Variants in GALNT2 observed in about 807,000 individuals in gnomAD.
The protein encoded by GALNT2 is UDP-GalNAc:polypeptide N-acetylgalactosaminyltransferase 2.
A neutral mutation model predicts 81.4 loss-of-function variants in GALNT2; 31 were observed. The observed-to-expected ratio is 0.38, with a 90% CI of 0.29 to 0.51. The LOEUF is 0.51. Ranked by LOEUF, GALNT2 falls within the 20% of genes least tolerant of loss-of-function variation. The pLI is 0.87. For missense variants in GALNT2, 629 were observed against 765.7 expected (o/e 0.82, Z 2.11); for synonymous variants, 303 against 287.4 (o/e 1.05, Z -0.55).
At chr1:230,116,553 T>C (rs557889665) in intron 1 of GALNT2, among the ~76,000 whole-genome samples, 3 of 152,296 alleles carry the variant, frequency 2.0e-5, no homozygotes, top group Admixed American at 6.5e-5. Context: ...TAAACAAGAC[T>C]TAAAGGTTGA....
chr1:230,190,466 T>G (rs1382464230), intron 2 of GALNT2, among the ~76,000 whole-genome samples: 1 of 152,234 alleles, frequency 6.6e-6, no homozygotes, highest in Non-Finnish European at 1.5e-5. Context: ...GTCCTGAGTT[T>G]TATCCCACAT....
At chr1:230,228,316 C>A (rs1374071939) in intron 3 of GALNT2, among the ~76,000 whole-genome samples, 1 of 151,974 alleles carries the variant, frequency 6.6e-6, no homozygotes, top group Non-Finnish European at 1.5e-5. Context: ...TCAGGAAAAG[C>A]AAATGGTCAC....
chr1:230,168,835 A>G (rs1240980945), intron 1 of GALNT2, among the ~76,000 whole-genome samples: 4 of 152,228 alleles, frequency 2.6e-5, no homozygotes, highest in Non-Finnish European at 5.9e-5. Context: ...CAGTATTGAT[A>G]TGTTATTAAC....
intron 4 of GALNT2, 54 bp downstream of exon 4, chr1:230,236,166 C>A: frequency 1.3e-6 from 2 of 1,558,720 alleles, no homozygotes; most frequent in Non-Finnish European, 1.8e-6. Flanking sequence ...TAGCTGTGTC[C>A]CAGGCACAGT....
chr1:230,223,082 GTGC>G (rs1408396696), intron 3 of GALNT2, among the ~76,000 whole-genome samples: 1 of 152,054 alleles, frequency 6.6e-6, no homozygotes, highest in Non-Finnish European at 1.5e-5. Flanking sequence ...CAACATTACA[GTGC>G]TAGGAGTTTC....
chr1:230,205,623 T>G (rs1217189177), intron 3 of GALNT2, among the ~76,000 whole-genome samples: 1 of 152,200 alleles, frequency 6.6e-6, no homozygotes, highest in Non-Finnish European at 1.5e-5. Flanking sequence ...TCCAAGGACC[T>G]CCAGGGAGCC....
Position 230,070,414 on chromosome 1 carries a change from TG to T in GALNT2, c.126+3010del. ...CGCAGAAGAGAGGAAGGGATTTCTC[TG>T]GAAATGAAGCTGCCTGTGGGTGAAG... On this transcript the variant is annotated intron_variant, in intron 1 of 15. Transcript: ENST00000366672. The surrounding 1 kb of genome is among the most constrained non-coding windows in gnomAD (Gnocchi z 4.7). Among the ~76,000 whole-genome samples the T allele has an allele frequency of 1.3e-5, 2 of 152,278 alleles. No homozygotes were observed. The highest frequency in any genetic ancestry group is 6.8e-3 in the Middle Eastern group (2 of 292).
chr1:230,250,431 C>G (rs1665508213), intron 9 of GALNT2, 26 bp from the exon 10 acceptor site: 4 of 1,578,146 alleles, frequency 2.5e-6, no homozygotes, highest in African/African-American at 1.3e-5. Flanking sequence ...TCTCCTCCCT[C>G]CCCCCTCTTC....
At chr1:230,078,667 T>C (rs1406188833) in intron 1 of GALNT2, among the ~76,000 whole-genome samples, 6 of 152,192 alleles carry the variant, frequency 3.9e-5, no homozygotes, top group African/African-American at 1.4e-4. Flanking sequence ...TCTTTGGAAA[T>C]TGCTAATCCT....
chr1:230,125,833 A>G (rs1661159179), intron 1 of GALNT2, among the ~76,000 whole-genome samples: 1 of 152,210 alleles, frequency 6.6e-6, no homozygotes, highest in Admixed American at 6.5e-5. Context: ...TCATGTCATC[A>G]TTTCTCCAGG....
rs542015464 is a variant in GALNT2, at chr1:230,085,662, A to C, written c.126+18256A>C. The stretch of plus-strand genomic sequence containing the variant: ...GAAAATGGTTCTGAATGTAGGCGGT[A>C]ATGTTTGTGATTGTCTAGGTTGAAG... On this transcript the variant is annotated intron_variant, in intron 1 of 15. Coordinates refer to ENST00000366672, the MANE Select transcript of GALNT2 (RefSeq NM_004481.5). Among the ~76,000 whole-genome samples the C allele has an allele frequency of 6.6e-5, 10 of 152,308 alleles. 1 individual carries two copies. The highest frequency in any genetic ancestry group is 6.5e-4 in the Admixed American group (10 of 15,300).
At position 230,117,995 on chromosome 1, in the gene GALNT2, T is replaced by G. The variant is rs80210589; in HGVS notation, c.126+50589T>G. Among the ~76,000 whole-genome samples, 18 of 152,352 alleles carry G rather than the reference T, an allele frequency of 1.2e-4. No homozygotes were observed. In the East Asian group the frequency reaches 3.5e-3, roughly 29 times the overall value. The stretch of plus-strand genomic sequence containing the variant: ...TAGCTTCGCTGCCCTTGGAATTGTC[T>G]GTGTGCTCCCTGTTCATCCCTCCCA... On this transcript the variant is annotated intron_variant, in intron 1 of 15. Coordinates refer to ENST00000366672, the MANE Select transcript of GALNT2 (RefSeq NM_004481.5).
chr1:230,136,380 G>A (rs1170602285), intron 1 of GALNT2, among the ~76,000 whole-genome samples: 3 of 152,204 alleles, frequency 2.0e-5, no homozygotes, highest in Non-Finnish European at 4.4e-5. Context: ...AGGAGAGAGT[G>A]GGGCCTGTTC....
intron 1 of GALNT2, among the ~76,000 whole-genome samples, chr1:230,098,729 TACAC>T (rs1292211012): frequency 6.6e-6 from 1 of 152,154 alleles, no homozygotes; most frequent in Non-Finnish European, 1.5e-5. Context: ...CACCTGCTCT[TACAC>T]AGGAATAGTA....
In GALNT2 at chr1:230,126,069, G is replaced by A. The variant is rs75354041; in HGVS notation, c.127-52149G>A. ...GTGTGGGCTACAGCCAAAGAGGAGC[G>A]AGGAGCAGGGAGGCCTTTTGGAACA... is the stretch of plus-strand genomic sequence containing the variant. On this transcript the variant is annotated intron_variant, in intron 1 of 15. Coordinates refer to ENST00000366672, the MANE Select transcript of GALNT2 (RefSeq NM_004481.5). Among the ~76,000 whole-genome samples, 295 of 152,358 alleles carry A rather than the reference G, an allele frequency of 1.9e-3. 1 individual carries two copies. The Middle Eastern group carries it at 0.024, about 12-fold the overall frequency.
chr1:230,246,839 G>T (rs1665386726), intron 8 of GALNT2, among the ~76,000 whole-genome samples: 1 of 152,104 alleles, frequency 6.6e-6, no homozygotes, highest in African/African-American at 2.4e-5. Context: ...AATTATCAAA[G>T]ACCTCAAAGA....
chr1:230,163,814 C>T (rs2102849711), intron 1 of GALNT2, among the ~76,000 whole-genome samples: 1 of 152,364 alleles, frequency 6.6e-6, no homozygotes, highest in Middle Eastern at 3.4e-3. Context: ...CACTGACTGT[C>T]TTGGCTGCTG....
chr1:230,213,855 C>T (rs773655535), intron 3 of GALNT2, among the ~76,000 whole-genome samples: 8 of 152,220 alleles, frequency 5.3e-5, no homozygotes, highest in Non-Finnish European at 1.2e-4. Flanking sequence ...CTTCCACTTA[C>T]CTTCAGCCCT....
intron 1 of GALNT2, among the ~76,000 whole-genome samples, chr1:230,079,719 G>T (rs1197860369): frequency 6.6e-6 from 1 of 152,202 alleles, no homozygotes; most frequent in African/African-American, 2.4e-5. Flanking sequence ...GGAGGAGAAT[G>T]TAATTCAAGT....
Sources: allele counts gnomAD v4.1 joint callset (sites outside exome capture counted in the v4.1 genomes callset), GRCh38; gene constraint gnomAD v4.1.1; non-coding constraint Gnocchi (gnomAD v3.1); transcripts MANE v1.5; gene names NCBI Gene and HGNC (gene_info 2026-07-23, HGNC 2026-07-21).